Variants in MINAR1 observed in about 807,000 individuals in gnomAD.
MINAR1 encodes major intrinsically disordered Notch2-binding receptor 1.
In MINAR1, 40 loss-of-function variants were observed where a neutral mutation model predicts 65.1. The observed-to-expected ratio is 0.61, with a 90% CI of 0.48 to 0.80. The LOEUF (loss-of-function observed/expected upper bound fraction) is 0.80. Among genes scored for constraint, MINAR1 ranks in the 30% least tolerant of loss-of-function variants. The pLI is 0.00. For missense variants in MINAR1, 1,128 were observed against 1,148.0 expected, an observed-to-expected ratio of 0.98 and a Z score of 0.25; for synonymous variants, 482 against 449.1, an observed-to-expected ratio of 1.07 and a Z score of -0.93.
intron 3 of MINAR1, among the ~76,000 whole-genome samples, chr15:79,466,273 T>C (rs1327863066): frequency 2.0e-5 from 3 of 152,210 alleles, no homozygotes; most frequent in African/African-American, 7.2e-5. Flanking sequence ...TCCCCTTCTC[T>C]TTCCATTGTA....
chr15:79,412,810 C>G, the MINAR1 span: 1 of 152,354 alleles, frequency 6.6e-6, no homozygotes, highest in Non-Finnish European at 1.5e-5. Context: ...CTGGCACCAC[C>G]CATTGGAGTG....
chr15:79,427,490 C>T (rs549631789), upstream of MINAR1: 2 of 152,334 alleles, frequency 1.3e-5, no homozygotes, highest in East Asian at 3.9e-4. Flanking sequence ...TACTATCAAT[C>T]TCTACCCATT....
intron 1 of MINAR1, among the ~76,000 whole-genome samples, chr15:79,450,658 G>C (rs370578551): frequency 2.0e-5 from 3 of 152,198 alleles, no homozygotes; most frequent in African/African-American, 7.2e-5. Context: ...GGAGCATGTG[G>C]TTGAGGATGA....
At chr15:79,459,395 C>G (rs895537094) in intron 2 of MINAR1, among the ~76,000 whole-genome samples, 1 of 152,186 alleles carries the variant, frequency 6.6e-6, no homozygotes, top group African/African-American at 2.4e-5. Flanking sequence ...CTTTCTTTCT[C>G]TCACCCCCTG....
rs1567058986 is a variant in MINAR1 at position 79,457,867 on chromosome 15, A to G, written c.1720A>G (p.Ser574Gly). 1.2e-6 allele frequency: 2 copies of G among 1,614,134 alleles called. No individual in the cohort carries two copies. The highest frequency in any genetic ancestry group is 1.7e-6 in the Non-Finnish European group (2 of 1,180,042). Residue 574 changes from serine to glycine, a missense_variant, in exon 2 of 4, where the codon AGC becomes GGC. Ser to Gly is a moderately conservative substitution (Grantham distance 56). Transcript: ENST00000305428. The stretch of plus-strand genomic sequence containing the variant: ...CAAAATTGCCAATGGGGTCCCCAAC[A>G]GCAAGGGAGACAAGGGCAACCGGCC... ...LTKIANGVPNSKGDKGNRPEN... is the reference protein window; with the variant it reads ...LTKIANGVPNGKGDKGNRPEN...
intron 1 of MINAR1, among the ~76,000 whole-genome samples, chr15:79,451,119 TCCC>T (rs1895182078): frequency 2.0e-5 from 3 of 152,074 alleles, no homozygotes; most frequent in African/African-American, 7.2e-5. Flanking sequence ...ACAAACCTCA[TCCC>T]TCCGACTTAT....
At chr15:79,452,443 AGT>A (rs200311974) in intron 1 of MINAR1, among the ~76,000 whole-genome samples, 1 of 144,094 alleles carries the variant, frequency 6.9e-6, no homozygotes, top group Admixed American at 6.8e-5. Flanking sequence ...AGTCTGTGTG[AGT>A]GTGTGTGGGT....
At chr15:79,437,654 TGTGTAG>T in intron 1 of MINAR1, among the ~76,000 whole-genome samples, 2 of 99,782 alleles carry the variant, frequency 2.0e-5, no homozygotes, top group African/African-American at 3.6e-5. Flanking sequence ...GGTGTGGGTG[TGTGTAG>T]GTAGTGTGTG....
At position 79,458,392 on chromosome 15, in the gene MINAR1, A is replaced by G. The variant is rs1302769903; in HGVS notation, c.2245A>G (p.Ile749Val). The G allele has an allele frequency of 4.3e-6, 7 of 1,614,086 alleles. No homozygotes were observed. The South Asian group carries it at 4.4e-5, about 10-fold the overall frequency. The change falls in exon 2 of 4, where the codon ATA becomes GTA. Residue 749 changes from isoleucine (I) to valine (V), a missense_variant. Coordinates refer to ENST00000305428, the MANE Select transcript of MINAR1 (RefSeq NM_015206.3). ...CCGTGTGGGCCTCAATGAGGAGGAG[A>G]TAAAAGACACAGGCCCAGGAGATAA... ...TNRVGLNEEE[I>V]KDTGPGDNKD...
Position 79,457,826 on chromosome 15 carries a change from C to A in MINAR1, c.1679C>A (p.Pro560His), listed in dbSNP as rs766726018. 3.7e-6 allele frequency: 6 copies of A among 1,614,156 alleles called. No individual in the cohort carries two copies. In the Admixed American group the frequency reaches 1.0e-4, roughly 27 times the overall value. Residue 560 changes from proline (P) to histidine (H), a missense_variant, in exon 2 of 4, where the codon CCT becomes CAT. By Grantham distance (77) the Pro-to-His change is moderately conservative. Coordinates refer to ENST00000305428, the MANE Select transcript of MINAR1 (RefSeq NM_015206.3). Reference protein sequence around the residue: ...QLHKSDCDSSPEHNLTKIANG... With the variant: ...QLHKSDCDSSHEHNLTKIANG... Reference sequence around the variant, plus strand: ...CATAAGTCAGACTGCGACAGTTCCCCTGAGCACAACTTAACCAAAATTGCC... The same window carrying A: ...CATAAGTCAGACTGCGACAGTTCCCATGAGCACAACTTAACCAAAATTGCC...
intron 3 of MINAR1, 136 bp downstream of exon 3, chr15:79,463,457 C>T: frequency 1.0e-6 from 1 of 985,490 alleles, no homozygotes; most frequent in Non-Finnish European, 1.5e-6. Flanking sequence ...ACATGGAATT[C>T]AGAACTTTAA....
At chr15:79,432,039 G>T (rs920189104), upstream of MINAR1, among the ~76,000 whole-genome samples, 1 of 152,074 alleles carries the variant, frequency 6.6e-6, no homozygotes, top group Non-Finnish European at 1.5e-5. Flanking sequence ...GGCGGGCGGC[G>T]GTGGAGAAGC....
the MINAR1 span, chr15:79,426,466 T>C: frequency 6.6e-6 from 1 of 152,188 alleles, no homozygotes; most frequent in African/African-American, 2.4e-5. Context: ...GCAGCTTCCA[T>C]TGAAATAGGG....
At chr15:79,413,787 C>G in the MINAR1 span, 1 of 152,220 alleles carries the variant, frequency 6.6e-6, no homozygotes, top group Admixed American at 6.5e-5. Context: ...TGCCTTCATA[C>G]CAACCTCGTC....
At chr15:79,454,300 T>G (rs1437592900) in intron 1 of MINAR1, among the ~76,000 whole-genome samples, 1 of 152,190 alleles carries the variant, frequency 6.6e-6, no homozygotes, top group African/African-American at 2.4e-5. Context: ...GGCTAATGTT[T>G]ATAGAAGCCT....
chr15:79,447,236 A>G (rs1398454143), intron 1 of MINAR1, among the ~76,000 whole-genome samples: 1 of 152,156 alleles, frequency 6.6e-6, no homozygotes, highest in Admixed American at 6.5e-5. Context: ...ATTCAGCTAA[A>G]TTCCCTTAGA....
In MINAR1 at chr15:79,458,334, G is replaced by T. The variant is rs139072268; in HGVS notation, c.2187G>T (p.Ser729=). 3.3e-5 allele frequency: 53 copies of T among 1,614,016 alleles called. No homozygotes were observed. The highest frequency in any genetic ancestry group is 4.2e-5 in the Non-Finnish European group (50 of 1,180,028). Residue 729 remains serine (S), a synonymous_variant, in exon 2 of 4, where the codon TCG becomes TCT. Transcript: ENST00000305428. Reference sequence around the variant, plus strand: ...CCAAAATTGCCAGCATCTCCAACTCGCCCAGAGACTGGCGCACCATCACTT... The same window carrying T: ...CCAAAATTGCCAGCATCTCCAACTCTCCCAGAGACTGGCGCACCATCACTT... ...TESKIASISN[S]PRDWRTITYT...
upstream of MINAR1, among the ~76,000 whole-genome samples, chr15:79,428,783 A>G (rs1894377198): frequency 1.3e-5 from 2 of 152,200 alleles, no homozygotes; most frequent in Admixed American, 6.5e-5. Flanking sequence ...CCCTTTTCTA[A>G]TAGTTCAATA....
chr15:79,452,148 C>A (rs1250023899), intron 1 of MINAR1, among the ~76,000 whole-genome samples: 2 of 151,694 alleles, frequency 1.3e-5, no homozygotes, highest in African/African-American at 4.9e-5. Flanking sequence ...AGTGCGACAG[C>A]GTATGTGTGT....
Sources: gnomAD v4.1 joint callset for allele counts (sites outside exome capture counted in the v4.1 genomes callset) on GRCh38, gnomAD v4.1.1 for gene constraint, MANE v1.5 for transcripts, NCBI Gene and HGNC (gene_info 2026-07-23, HGNC 2026-07-21) for gene names.